Variants in RNF144A observed in about 807,000 individuals in gnomAD.
RNF144A encodes the protein E3 ubiquitin-protein ligase RNF144A.
Under a neutral mutation model 38.7 loss-of-function variants are expected in RNF144A, and 11 were observed. The ratio of observed to expected loss-of-function variants is 0.28; its 90% CI spans 0.18 to 0.47. The LOEUF is 0.47. Ranked by LOEUF, RNF144A falls within the 20% of genes least tolerant of loss-of-function variation. The pLI is 0.99. For synonymous variants in RNF144A, 149 were observed against 143.9 expected (o/e 1.04, Z -0.25); for missense variants, 316 against 377.2 (o/e 0.84, Z 1.34).
At chr2:7,070,769 A>G (rs149327233), downstream of RNF144A, among the ~76,000 whole-genome samples, 329 of 152,222 alleles carry the variant, frequency 2.2e-3, 1 homozygote, top group African/African-American at 7.7e-3. Flanking sequence ...CACAAGCCAA[A>G]AAAGTTCCGC....
chr2:7,005,221 T>C (rs968832626), intron 3 of RNF144A, among the ~76,000 whole-genome samples: 3 of 152,216 alleles, frequency 2.0e-5, no homozygotes, highest in African/African-American at 4.8e-5. Flanking sequence ...AAGCCTAGTA[T>C]ATGCAGAATG....
intron 1 of RNF144A, among the ~76,000 whole-genome samples, chr2:6,927,907 T>C (rs1664978659): frequency 6.6e-6 from 1 of 152,218 alleles, no homozygotes; most frequent in Non-Finnish European, 1.5e-5. Flanking sequence ...TGGAGAGGTG[T>C]GTTTCTTTCC....
At chr2:6,920,070 T>A (rs1440015802) in intron 1 of RNF144A, among the ~76,000 whole-genome samples, 1 of 152,228 alleles carries the variant, frequency 6.6e-6, no homozygotes, top group Non-Finnish European at 1.5e-5. Context: ...TGGCTGAAGC[T>A]GCTGAGGTTC....
Position 7,043,354 on chromosome 2 carries a change from T to TA in RNF144A, c.*3601dup, listed in dbSNP as rs1353286458. On this transcript the variant is annotated 3_prime_UTR_variant, in exon 9 of 9. Transcript: ENST00000320892. ...AAAAGTTAGAAGTCATTTTACAAAT[T>TA]AAAAAAACATTTTTTTCTTGGTAGT... 1.1e-5 allele frequency: 11 copies of TA among 985,142 alleles called. No individual in the cohort carries two copies. In the African/African-American group the frequency reaches 1.4e-4, roughly 12 times the overall value. 61.0% of individuals were successfully genotyped at this position (985,142 alleles called of 1,614,324 possible).
At chr2:6,947,981 G>A (rs1414237743) in intron 2 of RNF144A, among the ~76,000 whole-genome samples, 2 of 152,200 alleles carry the variant, frequency 1.3e-5, no homozygotes, top group African/African-American at 2.4e-5. Flanking sequence ...GTTAGCTACG[G>A]GCTAAGAACT....
chr2:7,042,985 A>G lies in RNF144A; in HGVS notation c.*3225A>G. 1.8e-6 allele frequency: 1 copy of G among 544,584 alleles called. No homozygotes were observed. The highest frequency in any genetic ancestry group is 2.3e-6 in the Non-Finnish European group (1 of 427,716). 33.7% of individuals were successfully genotyped at this position (544,584 alleles called of 1,614,324 possible). A position where few individuals can be genotyped will look rare whatever the true frequency, so the allele number is the denominator to read the frequency against. On this transcript the variant is annotated 3_prime_UTR_variant, in exon 9 of 9. Coordinates refer to ENST00000320892, the MANE Select transcript of RNF144A (RefSeq NM_014746.6). The stretch of plus-strand genomic sequence containing the variant: ...CGGGTTCAAGCGATTCTCCTGCCTC[A>G]GCCTCCCAAGTAGCTGGGATTACAG...
At chr2:6,990,572 AACACACACACACAC>A (rs70942685) in intron 2 of RNF144A, among the ~76,000 whole-genome samples, 3 of 83,968 alleles carry the variant, frequency 3.6e-5, no homozygotes, top group South Asian at 6.1e-4. Context: ...TACACACACA[AACACACACACACAC>A]ACACACACAC....
rs1276800120 is a variant in RNF144A at position 7,024,623 on chromosome 2, G to A, written c.657+107G>A. On this transcript the variant is annotated intron_variant, in intron 7 of 8. Transcript: ENST00000320892. ...CCTAAAGAGCTTGGTGCCTACTCCT[G>A]TGTAACAGTGAAGCAACACCGTTTG... 2.4e-6 allele frequency: 3 copies of A among 1,248,308 alleles called. No individual in the cohort carries two copies. In the African/African-American group the frequency reaches 4.5e-5, roughly 19 times the overall value. 77.3% of individuals were successfully genotyped at this position (1,248,308 alleles called of 1,614,324 possible). A position where few individuals can be genotyped will look rare whatever the true frequency, so the allele number is the denominator to read the frequency against.
rs1471978751 is a variant in RNF144A, at chr2:6,975,333, C to G, written c.-11-21583C>G. Reference sequence around the variant, plus strand: ...CCCCCATGCTTCCCACCGGGTCCTTCCCACAACATGTGAGAATTATGGGAG... The same window carrying G: ...CCCCCATGCTTCCCACCGGGTCCTTGCCACAACATGTGAGAATTATGGGAG... On this transcript the variant is annotated intron_variant, in intron 2 of 8. Coordinates refer to ENST00000320892, the MANE Select transcript of RNF144A (RefSeq NM_014746.6). Among the ~76,000 whole-genome samples, 7 of 152,278 alleles carry G rather than the reference C, an allele frequency of 4.6e-5. No homozygotes were observed. The East Asian group carries it at 1.3e-3, about 29-fold the overall frequency.
At chr2:6,991,753 C>T (rs1427545582) in intron 2 of RNF144A, among the ~76,000 whole-genome samples, 1 of 151,940 alleles carries the variant, frequency 6.6e-6, no homozygotes, top group Non-Finnish European at 1.5e-5. Context: ...ATTTAACAGT[C>T]TCTCTCTCTC....
At chr2:7,070,125 A>G (rs554185756), downstream of RNF144A, among the ~76,000 whole-genome samples, 34 of 151,876 alleles carry the variant, frequency 2.2e-4, no homozygotes, top group African/African-American at 7.2e-4. Flanking sequence ...CAAAGGCCAC[A>G]TTCAGCAGAA....
At position 7,043,203 on chromosome 2, in the gene RNF144A, ATAT is replaced by A. The variant is rs1300687949; in HGVS notation, c.*3448_*3450del. ...AAGGGGAACAAATGATCTTGACAAC[ATAT>A]TATTCCATAAAACCAGTTTAGGGCA... On this transcript the variant is annotated 3_prime_UTR_variant, in exon 9 of 9. Coordinates refer to ENST00000320892, the MANE Select transcript of RNF144A (RefSeq NM_014746.6). 1.0e-6 allele frequency: 1 copy of A among 985,386 alleles called. No homozygotes were observed. Among genetic ancestry groups the A allele is most frequent in the Non-Finnish European group, 1.2e-6 (1 of 829,912 alleles). 61.0% of individuals were successfully genotyped at this position (985,386 alleles called of 1,614,324 possible).
intron 6 of RNF144A, chr2:7,062,838 C>T (rs1425354418): frequency 1.3e-5 from 2 of 152,226 alleles, no homozygotes; most frequent in Non-Finnish European, 2.9e-5. Context: ...GGGATGCTCA[C>T]ATTACAAATT....
At chr2:6,920,499 G>C (rs1168075608) in intron 1 of RNF144A, among the ~76,000 whole-genome samples, 1 of 152,202 alleles carries the variant, frequency 6.6e-6, no homozygotes, top group Admixed American at 6.5e-5. Flanking sequence ...TGCCCTGCAC[G>C]TTGGGTGGTC....
At chr2:6,985,954 G>T (rs150113143) in intron 2 of RNF144A, among the ~76,000 whole-genome samples, 1 of 152,188 alleles carries the variant, frequency 6.6e-6, no homozygotes, top group African/African-American at 2.4e-5. Flanking sequence ...GATTACAGGC[G>T]TGAGCCACTG....
chr2:6,960,620 A>G (rs187543340), intron 2 of RNF144A, among the ~76,000 whole-genome samples: 41 of 152,328 alleles, frequency 2.7e-4, no homozygotes, highest in African/African-American at 7.5e-4. Context: ...GTGGAAGAGC[A>G]CTGACCTGCT....
chr2:7,000,363 C>T (rs1670021431), intron 3 of RNF144A, among the ~76,000 whole-genome samples: 2 of 152,194 alleles, frequency 1.3e-5, no homozygotes, highest in South Asian at 2.1e-4. Context: ...ATTGTGGACA[C>T]GTATTTTGAA....
At chr2:6,972,161 T>C (rs965103369) in intron 2 of RNF144A, among the ~76,000 whole-genome samples, 7 of 151,882 alleles carry the variant, frequency 4.6e-5, no homozygotes, top group African/African-American at 1.7e-4. Context: ...AACAGCAGAG[T>C]GGATTCTAGG....
At position 6,969,480 on chromosome 2, in the gene RNF144A, C is replaced by T. The variant is rs578018447; in HGVS notation, c.-11-27436C>T. Reference sequence around the variant, plus strand: ...CAGAAGGAACTGACCCTGCCCACACCCTGCTCATGCTCCTGCATCTTCCAG... The same window carrying T: ...CAGAAGGAACTGACCCTGCCCACACTCTGCTCATGCTCCTGCATCTTCCAG... On this transcript the variant is annotated intron_variant, in intron 2 of 8. Coordinates refer to ENST00000320892, the MANE Select transcript of RNF144A (RefSeq NM_014746.6). Among the ~76,000 whole-genome samples, 87 of 152,242 alleles carry T rather than the reference C, an allele frequency of 5.7e-4. 1 individual carries two copies. The South Asian group carries it at 0.018, about 31-fold the overall frequency.
Sources: allele counts gnomAD v4.1 joint callset (sites outside exome capture counted in the v4.1 genomes callset), GRCh38; gene constraint gnomAD v4.1.1; transcripts MANE v1.5; gene names NCBI Gene and HGNC (gene_info 2026-07-23, HGNC 2026-07-21).